The following RFC3 variants were observed in gnomAD, a reference collection of about 807,000 sequenced individuals.
The protein encoded by RFC3 is A1 38 kDa subunit.
A neutral mutation model predicts 45.1 loss-of-function variants in RFC3; 41 were observed. The ratio of observed to expected loss-of-function variants is 0.91; its 90% CI spans 0.71 to 1.18. RFC3 has a LOEUF of 1.18. RFC3 is among the 50% of genes most tolerant of loss of function. The pLI, the probability that RFC3 is intolerant of heterozygous loss-of-function variation, is 0.00. For missense variants in RFC3, 423 were observed against 428.1 expected, an observed-to-expected ratio of 0.99 and a Z score of 0.10; for synonymous variants, 149 against 144.0, an observed-to-expected ratio of 1.03 and a Z score of -0.25.
intron 8 of RFC3, among the ~76,000 whole-genome samples, chr13:33,858,987 TA>T (rs2082324128): frequency 6.6e-6 from 1 of 152,218 alleles, no homozygotes; most frequent in Non-Finnish European, 1.5e-5. Flanking sequence ...CACTCAGTCG[TA>T]TGTGTCCACA....
At chr13:33,827,736 T>A (rs1170859595) in intron 4 of RFC3, among the ~76,000 whole-genome samples, 1 of 152,222 alleles carries the variant, frequency 6.6e-6, no homozygotes, top group Non-Finnish European at 1.5e-5. Flanking sequence ...TTCATATCCA[T>A]AAAGATGTTA....
At chr13:33,919,002 C>G (rs1418988542) in intron 8 of RFC3, among the ~76,000 whole-genome samples, 1 of 151,112 alleles carries the variant, frequency 6.6e-6, no homozygotes, top group Non-Finnish European at 1.5e-5. Context: ...TCCTTTTTAC[C>G]TTTTGGTCTT....
intron 8 of RFC3, among the ~76,000 whole-genome samples, chr13:33,891,528 T>C (rs1193280557): frequency 1.3e-5 from 2 of 152,208 alleles, no homozygotes; most frequent in African/African-American, 2.4e-5. Flanking sequence ...TAATGACTAA[T>C]GTGTCCTACT....
At chr13:33,889,197 A>C (rs958269837) in intron 8 of RFC3, among the ~76,000 whole-genome samples, 2 of 152,216 alleles carry the variant, frequency 1.3e-5, no homozygotes, top group African/African-American at 2.4e-5. Flanking sequence ...TGAACAATGC[A>C]GTTATGTTCA....
intron 8 of RFC3, among the ~76,000 whole-genome samples, chr13:33,935,463 G>A (rs1381250760): frequency 6.6e-6 from 1 of 152,132 alleles, no homozygotes; most frequent in Non-Finnish European, 1.5e-5. Context: ...TGTCTGACTT[G>A]TGAGTACAAG....
chr13:33,843,298 A>G (rs1232674800), intron 8 of RFC3, among the ~76,000 whole-genome samples: 1 of 152,188 alleles, frequency 6.6e-6, no homozygotes, highest in Non-Finnish European at 1.5e-5. Context: ...CAAGATTTAC[A>G]ATAAATTACT....
chr13:33,966,092 T>C lies in RFC3; in HGVS notation c.885T>C (p.Cys295=), dbSNP rs983293292. 7 of 1,608,978 alleles carry C rather than the reference T, an allele frequency of 4.4e-6. No homozygotes were observed. The Middle Eastern group carries it at 8.3e-4, about 190-fold the overall frequency. The change falls in exon 9 of 9, where the codon TGT becomes TGC. Residue 295 remains cysteine, a synonymous_variant. Transcript: ENST00000434425. ...ATAGTGAATATCTCTTACAGGCATG[T>C]AAGGAGGAATCAAGAAGCTGTGACA...
At chr13:33,973,933 A>C in the RFC3 span, among the ~76,000 whole-genome samples, 3 of 152,104 alleles carry the variant, frequency 2.0e-5, no homozygotes, top group Admixed American at 2.0e-4. Context: ...TCCCAGTAGA[A>C]GACTCAAAGG....
intron 8 of RFC3, chr13:33,850,833 A>T (rs2082271940): frequency 6.6e-6 from 1 of 152,212 alleles, no homozygotes; most frequent in African/African-American, 2.4e-5. Flanking sequence ...CTTGGTGCTC[A>T]TGAGTCACAA....
intron 8 of RFC3, among the ~76,000 whole-genome samples, chr13:33,860,595 A>G (rs186130850): frequency 2.7e-4 from 41 of 152,074 alleles, no homozygotes; most frequent in East Asian, 2.3e-3. Flanking sequence ...TAATGTGACA[A>G]TCGACTCCGC....
At chr13:33,960,726 C>T (rs2083051705) in intron 8 of RFC3, among the ~76,000 whole-genome samples, 1 of 152,208 alleles carries the variant, frequency 6.6e-6, no homozygotes. Flanking sequence ...CCTCAATTCA[C>T]ACACCCTTAT....
chr13:33,900,147 A>G (rs991964951), intron 8 of RFC3, among the ~76,000 whole-genome samples: 3 of 152,060 alleles, frequency 2.0e-5, no homozygotes, highest in Non-Finnish European at 4.4e-5. Flanking sequence ...CAAAACGCCA[A>G]TGACATTCTT....
At chr13:33,940,304 A>G (rs893049192) in intron 8 of RFC3, among the ~76,000 whole-genome samples, 7 of 152,126 alleles carry the variant, frequency 4.6e-5, no homozygotes, top group Admixed American at 3.9e-4. Context: ...TTCAAAAATT[A>G]TTTGTTTTTT....
At chr13:33,859,024 G>A (rs187101334) in intron 8 of RFC3, among the ~76,000 whole-genome samples, 2 of 152,282 alleles carry the variant, frequency 1.3e-5, no homozygotes, top group East Asian at 3.9e-4. Flanking sequence ...TGACTTCTGG[G>A]ACTTTGGATG....
At chr13:33,857,497 A>G (rs1332280670) in intron 8 of RFC3, among the ~76,000 whole-genome samples, 1 of 152,222 alleles carries the variant, frequency 6.6e-6, no homozygotes, top group Non-Finnish European at 1.5e-5. Context: ...ATGCTCTCCC[A>G]AGGCAATCAG....
At chr13:33,871,763 T>A (rs992899229) in intron 8 of RFC3, among the ~76,000 whole-genome samples, 1 of 152,212 alleles carries the variant, frequency 6.6e-6, no homozygotes, top group African/African-American at 2.4e-5. Flanking sequence ...AACATTTATG[T>A]AACATTGGGG....
At chr13:33,848,600 C>G (rs553148177) in intron 8 of RFC3, 5 of 152,158 alleles carry the variant, frequency 3.3e-5, no homozygotes, top group Non-Finnish European at 7.3e-5. Flanking sequence ...TGACCCCTCT[C>G]TCCATTTTGA....
At position 33,951,039 on chromosome 13, in the gene RFC3, CTTTTTTTTTTTTTT is replaced by C. The variant is rs926664684; in HGVS notation, c.880-15037_880-15024del. On this transcript the variant is annotated intron_variant, in intron 8 of 8. Coordinates refer to the RFC3 transcript ENST00000434425. ...ATGTCTCCAGCCCACTCTGATGGCT[CTTTTTTTTTTTTTT>C]TTTTTTTTTTGGAAATCTGTCATAC... Among the ~76,000 whole-genome samples the C allele has an allele frequency of 3.3e-4, 20 of 60,804 alleles. No individual in the cohort carries two copies. The Admixed American group carries it at 3.9e-3, about 12-fold the overall frequency. The allele number at this position is 60,804 out of a possible 152,430, so 39.9% of individuals were successfully genotyped here. A position where few individuals can be genotyped will look rare whatever the true frequency, so the allele number is the denominator to read the frequency against.
At chr13:33,862,942 A>G (rs1011471807) in intron 8 of RFC3, among the ~76,000 whole-genome samples, 1 of 152,208 alleles carries the variant, frequency 6.6e-6, no homozygotes, top group South Asian at 2.1e-4. Context: ...ATTGCCTCCC[A>G]ATGCTGTCAG....
Sources: gnomAD v4.1 joint callset for allele counts (sites outside exome capture counted in the v4.1 genomes callset) on GRCh38, gnomAD v4.1.1 for gene constraint, MANE v1.5 for transcripts, NCBI Gene and HGNC (gene_info 2026-07-23, HGNC 2026-07-21) for gene names.